The following CRADD variants were observed in gnomAD, a reference collection of about 807,000 sequenced individuals.
CRADD encodes death domain-containing protein CRADD.
In CRADD, 9 loss-of-function variants were observed where a neutral mutation model predicts 15.5. That is an observed-to-expected ratio of 0.58 (90% CI 0.35 to 1.01). The LOEUF (loss-of-function observed/expected upper bound fraction) is 1.01. Among genes scored for constraint, CRADD ranks in the 50% least tolerant of loss-of-function variants. The pLI, the probability that CRADD is intolerant of heterozygous loss-of-function variation, is 0.02. For synonymous variants in CRADD, 118 were observed against 107.6 expected, an observed-to-expected ratio of 1.10 and a Z score of -0.60; for missense variants, 227 against 250.3, an observed-to-expected ratio of 0.91 and a Z score of 0.63.
At chr12:93,703,836 CAA>C (rs1390984294) in intron 2 of CRADD, among the ~76,000 whole-genome samples, 2 of 152,112 alleles carry the variant, frequency 1.3e-5, no homozygotes, top group Non-Finnish European at 2.9e-5. Context: ...ACTAGTAATT[CAA>C]GAACAGACCT....
At chr12:93,861,657 T>G (rs117272161) in intron 2 of CRADD, among the ~76,000 whole-genome samples, 2,435 of 152,254 alleles carry the variant, frequency 0.016, 31 homozygotes, top group Non-Finnish European at 0.023. Flanking sequence ...GCCTTCCTTG[T>G]GACTACGTCA....
At chr12:93,845,578 A>T (rs200562744) in intron 2 of CRADD, among the ~76,000 whole-genome samples, 1,828 of 77,364 alleles carry the variant, frequency 0.024, 51 homozygotes, top group African/African-American at 0.058. Flanking sequence ...ATATATATAT[A>T]TTTTTAATAA....
intron 2 of CRADD, among the ~76,000 whole-genome samples, chr12:93,864,400 T>A (rs1958345829): frequency 6.6e-6 from 1 of 152,168 alleles, no homozygotes; most frequent in Admixed American, 6.5e-5. Flanking sequence ...ACATTTTCTC[T>A]TCTGAACCAG....
At chr12:93,871,694 A>T (rs1004690443) in intron 2 of CRADD, among the ~76,000 whole-genome samples, 2 of 152,180 alleles carry the variant, frequency 1.3e-5, no homozygotes, top group African/African-American at 4.8e-5. Flanking sequence ...GGCTTATTTC[A>T]CTTCATAATG....
chr12:93,877,099 G>A (rs1429027126), intron 2 of CRADD, among the ~76,000 whole-genome samples: 2 of 152,338 alleles, frequency 1.3e-5, no homozygotes, highest in Middle Eastern at 3.4e-3. Flanking sequence ...CATGGGACAA[G>A]ATCTGGGAGA....
At chr12:93,753,758 C>T (rs1445351448) in intron 2 of CRADD, among the ~76,000 whole-genome samples, 1 of 152,254 alleles carries the variant, frequency 6.6e-6, no homozygotes, top group Admixed American at 6.5e-5. Context: ...CAACTTTGGG[C>T]AGCTCTGCCT....
At chr12:93,882,400 G>A (rs1330364756) in intron 2 of CRADD, among the ~76,000 whole-genome samples, 4 of 133,658 alleles carry the variant, frequency 3.0e-5, no homozygotes, top group African/African-American at 8.7e-5. Context: ...CAGCCAGGGC[G>A]ACAGAGCGAG....
intron 2 of CRADD, among the ~76,000 whole-genome samples, chr12:93,744,619 A>C (rs1015153500): frequency 2.0e-5 from 3 of 152,214 alleles, no homozygotes; most frequent in African/African-American, 7.2e-5. Flanking sequence ...TCTGCTTACC[A>C]TACCCCTCTG....
At chr12:93,829,036 C>T (rs1029640373) in intron 2 of CRADD, among the ~76,000 whole-genome samples, 1 of 151,990 alleles carries the variant, frequency 6.6e-6, no homozygotes, top group African/African-American at 2.4e-5. Flanking sequence ...ATTGAAAACC[C>T]ATCTGTGAAA....
chr12:93,716,525 T>C (rs1956166218), intron 2 of CRADD, among the ~76,000 whole-genome samples: 2 of 152,250 alleles, frequency 1.3e-5, no homozygotes, highest in Admixed American at 1.3e-4. Flanking sequence ...TCTGTGCTCT[T>C]GATTGTTCAT....
intron 2 of CRADD, among the ~76,000 whole-genome samples, chr12:93,884,048 T>C (rs939670318): frequency 5.3e-5 from 8 of 152,038 alleles, no homozygotes; most frequent in Admixed American, 5.2e-4. Context: ...CTGCCATAGT[T>C]TTTTGATCAC....
At chr12:93,793,373 C>T (rs1472111384) in intron 2 of CRADD, among the ~76,000 whole-genome samples, 2 of 152,192 alleles carry the variant, frequency 1.3e-5, no homozygotes, top group South Asian at 2.1e-4. Flanking sequence ...TGGACTTCCT[C>T]TATCCTTTAT....
intron 2 of CRADD, among the ~76,000 whole-genome samples, chr12:93,874,609 C>G (rs893499513): frequency 2.6e-5 from 4 of 151,684 alleles, no homozygotes; most frequent in African/African-American, 9.7e-5. Context: ...TTGCTGCATC[C>G]CATAGGTTTT....
intron 2 of CRADD, among the ~76,000 whole-genome samples, chr12:93,745,687 C>T (rs569388593): frequency 2.8e-4 from 43 of 152,332 alleles, no homozygotes; most frequent in African/African-American, 9.1e-4. Context: ...TAAGGTACTT[C>T]TGTTGTTTCT....
At chr12:93,770,787 T>G (rs1048638357) in intron 2 of CRADD, among the ~76,000 whole-genome samples, 5 of 152,222 alleles carry the variant, frequency 3.3e-5, no homozygotes, top group African/African-American at 1.2e-4. Flanking sequence ...CATTTCCAAA[T>G]GAAAAGATTA....
At chr12:93,880,285 T>C (rs975374277) in intron 2 of CRADD, among the ~76,000 whole-genome samples, 6 of 152,190 alleles carry the variant, frequency 3.9e-5, no homozygotes, top group South Asian at 4.1e-4. Flanking sequence ...CCTTTTTTTT[T>C]CTTCAAGTGG....
chr12:93,761,842 A>G (rs928030873), intron 2 of CRADD, among the ~76,000 whole-genome samples: 5 of 152,222 alleles, frequency 3.3e-5, no homozygotes, highest in African/African-American at 1.2e-4. Flanking sequence ...GTTGCTCAGC[A>G]TGCTTTGAGC....
rs75936406 is a variant in CRADD at position 93,862,497 on chromosome 12, C to A, written c.299-31553C>A. On this transcript the variant is annotated intron_variant, in intron 2 of 2. Transcript: ENST00000548483. ...AAGTGGAAAGCCTGGGAAAGGTGTGCTAGAGGAAGGGGAAGGTGAGAGAGG... is the reference window on the plus strand; with the variant it reads ...AAGTGGAAAGCCTGGGAAAGGTGTGATAGAGGAAGGGGAAGGTGAGAGAGG... 5.4e-3 allele frequency among the ~76,000 whole-genome samples: 818 copies of A among 152,066 alleles called. 13 individuals are homozygous for A. The highest frequency in any genetic ancestry group is 0.018 in the African/African-American group (764 of 41,476).
At chr12:93,866,918 C>T (rs2137063206) in intron 2 of CRADD, among the ~76,000 whole-genome samples, 1 of 152,238 alleles carries the variant, frequency 6.6e-6, no homozygotes, top group East Asian at 1.9e-4. Context: ...TCAACTGTGC[C>T]ATGTATCCCA....
Sources: gnomAD v4.1 joint callset for allele counts (sites outside exome capture counted in the v4.1 genomes callset) on GRCh38, gnomAD v4.1.1 for gene constraint, MANE v1.5 for transcripts, NCBI Gene and HGNC (gene_info 2026-07-23, HGNC 2026-07-21) for gene names.